HAUS2: variants seen among roughly 807,000 people sequenced by gnomAD.
HAUS2 encodes HAUS augmin-like complex subunit 2.
In HAUS2, 20 loss-of-function variants were observed where a neutral mutation model predicts 21.6. The observed-to-expected ratio is 0.93, with a 90% CI of 0.65 to 1.35. The LOEUF (loss-of-function observed/expected upper bound fraction) is 1.35. Among genes scored for constraint, HAUS2 ranks in the 40% most tolerant of loss-of-function variants. The probability of loss-of-function intolerance (pLI) is 0.00; values close to 1 mark genes in which losing one functional copy is unlikely to be tolerated. For missense variants in HAUS2, 297 were observed against 280.7 expected (o/e 1.06, Z -0.42); for synonymous variants, 113 against 95.6 (o/e 1.18, Z -1.06).
At chr15:42,560,965 A>G in intron 3 of HAUS2, 1 of 619,558 alleles carries the variant, frequency 1.6e-6, no homozygotes, top group East Asian at 2.8e-5. Flanking sequence ...TGTGTTAAGA[A>G]TATAGCTCTG....
intron 1 of HAUS2, among the ~76,000 whole-genome samples, chr15:42,553,490 T>TA (rs1555383190): frequency 2.0e-5 from 3 of 151,658 alleles, no homozygotes; most frequent in Admixed American, 1.3e-4. Flanking sequence ...TTTTTTTTTT[T>TA]AAATGTGTTA....
chr15:42,550,481 T>G (rs1347906310), intron 1 of HAUS2, among the ~76,000 whole-genome samples: 1 of 152,156 alleles, frequency 6.6e-6, no homozygotes, highest in Non-Finnish European at 1.5e-5. Context: ...TACTCTCCCT[T>G]TTGACACATT....
At chr15:42,549,425 C>G (rs1156942629) in intron 1 of HAUS2, among the ~76,000 whole-genome samples, 2 of 149,740 alleles carry the variant, frequency 1.3e-5, no homozygotes, top group Non-Finnish European at 2.9e-5. Context: ...TCTTTTTTGA[C>G]ATTTTTATTT....
chr15:42,557,840 A>G (rs925605338), intron 1 of HAUS2, among the ~76,000 whole-genome samples: 9 of 152,072 alleles, frequency 5.9e-5, no homozygotes, highest in Non-Finnish European at 1.3e-4. Context: ...GCTCTGAGAG[A>G]CTGGGCCTGA....
chr15:42,548,955 T>TGGTC lies in HAUS2; in HGVS notation c.84_87dup (p.Asn30GlyfsTer10). On this transcript the variant is annotated frameshift_variant, in exon 1 of 6. Transcript: ENST00000260372. LOFTEE classifies it high-confidence loss of function. Reference sequence around the variant, plus strand: ...CTAGGCCACTTCATAGCTTCGGGGATGGTCAATCAGGTACGTGGGGGTGGC... The same window carrying TGGTC: ...CTAGGCCACTTCATAGCTTCGGGGATGGTCGGTCAATCAGGTACGTGGGGGTGGC... 6.5e-7 allele frequency: 1 copy of TGGTC among 1,548,020 alleles called. No homozygotes were observed. The highest frequency in any genetic ancestry group is 8.7e-7 in the Non-Finnish European group (1 of 1,143,006).
At position 42,568,201 on chromosome 15, in the gene HAUS2, T is replaced by C. The variant is rs1161592634; in HGVS notation, c.*1385T>C. On this transcript the variant is annotated 3_prime_UTR_variant, in exon 6 of 6. Transcript: ENST00000260372. ...CAGCTGTTGCATCTGGGAACTTAGA[T>C]ATCAGAAGGTATCTTAGTCTGTTCT... 6.6e-6 allele frequency: 1 copy of C among 152,240 alleles called. No homozygotes were observed. The highest frequency in any genetic ancestry group is 1.5e-5 in the Non-Finnish European group (1 of 68,044). 9.4% of individuals were successfully genotyped at this position (152,240 alleles called of 1,614,324 possible). A position where few individuals can be genotyped will look rare whatever the true frequency, so the allele number is the denominator to read the frequency against.
chr15:42,565,234 AAG>A (rs2057894550), intron 5 of HAUS2, among the ~76,000 whole-genome samples: 1 of 152,250 alleles, frequency 6.6e-6, no homozygotes, highest in Non-Finnish European at 1.5e-5. Context: ...ATAAAAGTCA[AAG>A]AACCCAGAGA....
rs2057923725 is a variant in HAUS2, at chr15:42,568,042, A to G, written c.*1226A>G. ...AAAAAAAAAAAAAAAGGTGTTTCTG[A>G]ATTAGAAGGGTCTTCTTGAATCTGA... On this transcript the variant is annotated 3_prime_UTR_variant, in exon 6 of 6. Coordinates refer to ENST00000260372, the MANE Select transcript of HAUS2 (RefSeq NM_018097.3). 6.6e-6 allele frequency: 1 copy of G among 152,036 alleles called. No individual in the cohort carries two copies. Among genetic ancestry groups the G allele is most frequent in the Non-Finnish European group, 1.5e-5 (1 of 68,040 alleles). The allele number at this position is 152,036 out of a possible 1,614,324, so 9.4% of individuals were successfully genotyped here.
intron 4 of HAUS2, among the ~76,000 whole-genome samples, chr15:42,562,798 CAG>C (rs1165153454): frequency 6.6e-6 from 1 of 152,158 alleles, no homozygotes; most frequent in East Asian, 1.9e-4. Flanking sequence ...TCATTCTTCA[CAG>C]AGAATGAGTA....
Position 42,548,871 on chromosome 15 carries a change from C to T in HAUS2, c.-2C>T. 6.5e-7 allele frequency: 1 copy of T among 1,548,152 alleles called. No individual in the cohort carries two copies. Among genetic ancestry groups the T allele is most frequent in the South Asian group, 1.2e-5 (1 of 83,968 alleles). On this transcript the variant is annotated 5_prime_UTR_variant, in exon 1 of 6. Transcript: ENST00000260372. ...CGCCTTCGCGGAAGGTGCGTCCGAG[C>T]CATGGCCGCTGCCAACCCGTGGGAC...
At chr15:42,557,177 A>G (rs180954537) in intron 1 of HAUS2, among the ~76,000 whole-genome samples, 34 of 145,854 alleles carry the variant, frequency 2.3e-4, no homozygotes, top group African/African-American at 7.8e-4. Context: ...TTAGCCGGGC[A>G]TGGTGGTGGG....
At chr15:42,550,233 G>C (rs546788759) in intron 1 of HAUS2, among the ~76,000 whole-genome samples, 1 of 146,700 alleles carries the variant, frequency 6.8e-6, no homozygotes, top group African/African-American at 2.5e-5. Context: ...AGTGAGATGC[G>C]ATCGGGCCAC....
At position 42,561,486 on chromosome 15, in the gene HAUS2, A is replaced by T. The variant is rs2057853386; in HGVS notation, c.389+84A>T. ...TTGCAGTTACTTTGTAGCAGAATTCATAAAACAATTAGTGATTGTATTTGT... is the reference window on the plus strand; with the variant it reads ...TTGCAGTTACTTTGTAGCAGAATTCTTAAAACAATTAGTGATTGTATTTGT... On this transcript the variant is annotated intron_variant, in intron 4 of 5. Transcript: ENST00000260372. The T allele has an allele frequency of 4.9e-6, 4 of 817,966 alleles. No homozygotes were observed. The Admixed American group carries it at 7.9e-5, about 16-fold the overall frequency. 50.7% of individuals were successfully genotyped at this position (817,966 alleles called of 1,614,324 possible).
intron 3 of HAUS2, 112 bp from the exon 4 acceptor site, chr15:42,561,158 G>T: frequency 1.6e-6 from 1 of 642,428 alleles, no homozygotes. Flanking sequence ...AGACAGGAGG[G>T]TAATGATAGG....
chr15:42,555,319 A>G (rs2057761678), intron 1 of HAUS2, among the ~76,000 whole-genome samples: 1 of 152,110 alleles, frequency 6.6e-6, no homozygotes, highest in East Asian at 1.9e-4. Context: ...TTGTAGAGAC[A>G]GGGTCTCCCT....
At chr15:42,549,679 GA>G (rs989176556) in intron 1 of HAUS2, among the ~76,000 whole-genome samples, 65 of 145,944 alleles carry the variant, frequency 4.5e-4, no homozygotes, top group African/African-American at 1.6e-3. Flanking sequence ...CCGATCTCCT[GA>G]CCTCGTGATC....
intron 1 of HAUS2, among the ~76,000 whole-genome samples, chr15:42,550,173 C>A (rs1426279038): frequency 2.0e-5 from 3 of 151,734 alleles, no homozygotes; most frequent in Admixed American, 6.6e-5. Context: ...CCACATGGGT[C>A]CTGGAGGCTC....
chr15:42,558,573 C>T (rs576666290), intron 2 of HAUS2, among the ~76,000 whole-genome samples: 31 of 151,998 alleles, frequency 2.0e-4, no homozygotes, highest in Admixed American at 8.5e-4. Context: ...ATGATCTGCC[C>T]GCCTCGGCCT....
chr15:42,563,638 A>G (rs1424796131), intron 4 of HAUS2, 111 bp from the exon 5 acceptor site: 4 of 699,994 alleles, frequency 5.7e-6, no homozygotes, highest in Non-Finnish European at 1.0e-5. Context: ...TTGGCTCTCT[A>G]GGTTGATTGT....
Sources: gnomAD v4.1 joint callset for allele counts (sites outside exome capture counted in the v4.1 genomes callset) on GRCh38, gnomAD v4.1.1 for gene constraint, MANE v1.5 for transcripts, NCBI Gene and HGNC (gene_info 2026-07-23, HGNC 2026-07-21) for gene names.